THADA: variants seen among roughly 807,000 people sequenced by gnomAD.
THADA encodes the protein THADA armadillo repeat containing.
THADA carries 213 observed loss-of-function variants against 219.8 expected under a neutral mutation model. That is an observed-to-expected ratio of 0.97 (90% CI 0.87 to 1.09). The LOEUF is 1.09. Ranked by LOEUF, THADA falls within the 50% of genes least tolerant of loss-of-function variation. THADA has a pLI of 0.00. For missense variants in THADA, 2,956 were observed against 2,311.3 expected (o/e 1.28, Z -5.72); for synonymous variants, 1,018 against 828.9 (o/e 1.23, Z -3.92).
At chr2:43,397,545 A>G (rs1207918717) in intron 29 of THADA, among the ~76,000 whole-genome samples, 1 of 152,158 alleles carries the variant, frequency 6.6e-6, no homozygotes, top group African/African-American at 2.4e-5. Flanking sequence ...GCTGTGCCAC[A>G]GGGCAAACTC....
At chr2:43,487,007 C>A (rs1686994413) in intron 25 of THADA, among the ~76,000 whole-genome samples, 1 of 152,124 alleles carries the variant, frequency 6.6e-6, no homozygotes, top group African/African-American at 2.4e-5. Flanking sequence ...CAATCCATAT[C>A]AAAAATGCAA....
intron 28 of THADA, among the ~76,000 whole-genome samples, chr2:43,413,402 G>A (rs1676543040): frequency 6.6e-6 from 1 of 152,162 alleles, no homozygotes; most frequent in Admixed American, 6.5e-5. Context: ...GCAAAGATGG[G>A]TTGGGTTTTG....
intron 29 of THADA, among the ~76,000 whole-genome samples, chr2:43,379,102 C>T (rs888215793): frequency 5.3e-5 from 8 of 151,858 alleles, no homozygotes; most frequent in African/African-American, 9.7e-5. Flanking sequence ...AAAATAATGA[C>T]GGATTAAAAC....
At chr2:43,544,805 A>T (rs1262023190) in intron 20 of THADA, among the ~76,000 whole-genome samples, 2 of 151,544 alleles carry the variant, frequency 1.3e-5, no homozygotes, top group African/African-American at 4.9e-5. Flanking sequence ...TAGATATACA[A>T]TCATGTCATC....
intron 21 of THADA, among the ~76,000 whole-genome samples, chr2:43,529,927 T>C (rs1558918553): frequency 6.6e-6 from 1 of 152,188 alleles, no homozygotes; most frequent in Non-Finnish European, 1.5e-5. Flanking sequence ...GGTTGTTGTA[T>C]TAAAATAAGT....
intron 22 of THADA, among the ~76,000 whole-genome samples, chr2:43,526,419 A>G (rs922051734): frequency 1.3e-4 from 20 of 152,188 alleles, no homozygotes; most frequent in Non-Finnish European, 2.9e-4. Flanking sequence ...AAGGAGGTTT[A>G]TTTATTCACC....
intron 29 of THADA, among the ~76,000 whole-genome samples, chr2:43,380,944 C>T (rs1437436514): frequency 1.3e-5 from 2 of 151,626 alleles, no homozygotes; most frequent in African/African-American, 4.8e-5. Flanking sequence ...ACGAAAAATA[C>T]AAAATTAGCT....
At chr2:43,540,671 T>G (rs1227766246) in intron 21 of THADA, among the ~76,000 whole-genome samples, 1 of 152,190 alleles carries the variant, frequency 6.6e-6, no homozygotes, top group Non-Finnish European at 1.5e-5. Flanking sequence ...TCAAGTCACT[T>G]GAACAGTCCC....
chr2:43,248,218 G>T (rs967705700), intron 36 of THADA, among the ~76,000 whole-genome samples: 89 of 143,496 alleles, frequency 6.2e-4, no homozygotes, highest in African/African-American at 2.3e-3. Flanking sequence ...GAGAGAGACA[G>T]AGAGAGAGAG....
chr2:43,508,704 G>T lies in THADA; in HGVS notation c.3451C>A (p.Pro1151Thr), dbSNP rs767305014. 1.2e-5 allele frequency: 20 copies of T among 1,613,544 alleles called. No homozygotes were observed. Among genetic ancestry groups the T allele is most frequent in the Non-Finnish European group, 1.6e-5 (19 of 1,179,702 alleles). The change falls in exon 23 of 38, where the codon CCT (proline) becomes ACT (threonine). Residue 1151 changes from proline to threonine, a missense_variant. Pro to Thr is a conservative substitution (Grantham distance 38). Coordinates refer to ENST00000405975, the MANE Select transcript of THADA (RefSeq NM_022065.5). ...SVLEEIKCSDPSSKLCATRRS... is the reference protein window; with the variant it reads ...SVLEEIKCSDTSSKLCATRRS... ...CTTGTAGCACAGAGTTTAGATGAAG[G>T]ATCACTGCATTTAATTTCCTCTAAA...
chr2:43,516,412 G>A (rs1691731195), intron 22 of THADA, among the ~76,000 whole-genome samples: 1 of 152,006 alleles, frequency 6.6e-6, no homozygotes, highest in African/African-American at 2.4e-5. Context: ...GTCATAATTG[G>A]TTTACCTGAT....
chr2:43,334,346 G>A (rs574568843), intron 30 of THADA, among the ~76,000 whole-genome samples: 1 of 152,212 alleles, frequency 6.6e-6, no homozygotes, highest in Admixed American at 6.5e-5. Flanking sequence ...CAGGAAAGCT[G>A]GACAGGGAAG....
At chr2:43,486,781 GA>G (rs1313567632) in intron 25 of THADA, 5 of 152,140 alleles carry the variant, frequency 3.3e-5, no homozygotes, top group African/African-American at 1.2e-4. Flanking sequence ...TTTTTCAAGA[GA>G]AGCCAGGAAC....
At chr2:43,524,879 G>A (rs1215071025) in intron 22 of THADA, among the ~76,000 whole-genome samples, 1 of 152,160 alleles carries the variant, frequency 6.6e-6, no homozygotes, top group Non-Finnish European at 1.5e-5. Flanking sequence ...GCCTTCAACT[G>A]TACCATTCAA....
chr2:43,485,487 C>T (rs202054871), intron 25 of THADA, among the ~76,000 whole-genome samples, 162 bp from the exon 26 acceptor site: 13 of 152,154 alleles, frequency 8.5e-5, no homozygotes, highest in African/African-American at 1.4e-4. Context: ...AAAAACTTGA[C>T]AGTCATCGAT....
At chr2:43,483,377 T>A (rs1393823035) in intron 26 of THADA, among the ~76,000 whole-genome samples, 2 of 152,124 alleles carry the variant, frequency 1.3e-5, no homozygotes, top group African/African-American at 4.8e-5. Context: ...CACAAGCAAC[T>A]GCAAATTTAA....
intron 29 of THADA, among the ~76,000 whole-genome samples, chr2:43,374,209 G>T (rs1313051424): frequency 6.6e-6 from 1 of 152,114 alleles, no homozygotes; most frequent in Non-Finnish European, 1.5e-5. Context: ...ATATTCTTGG[G>T]GAAAGCCCAA....
intron 26 of THADA, among the ~76,000 whole-genome samples, chr2:43,435,541 G>C (rs1679979164): frequency 6.6e-6 from 1 of 152,026 alleles, no homozygotes; most frequent in African/African-American, 2.4e-5. Flanking sequence ...CCAGCACTTT[G>C]GGAGGCTGAG....
At chr2:43,536,291 G>A (rs1197699435) in intron 21 of THADA, among the ~76,000 whole-genome samples, 2 of 152,100 alleles carry the variant, frequency 1.3e-5, no homozygotes, top group Non-Finnish European at 2.9e-5. Flanking sequence ...TCTCTATTCT[G>A]TTCCACTGGT....
Sources: gnomAD v4.1 joint callset for allele counts (sites outside exome capture counted in the v4.1 genomes callset) on GRCh38, gnomAD v4.1.1 for gene constraint, MANE v1.5 for transcripts, NCBI Gene and HGNC (gene_info 2026-07-23, HGNC 2026-07-21) for gene names.